The following LRRC56 variants were observed in gnomAD, a reference collection of about 807,000 sequenced individuals.
The protein encoded by LRRC56 is leucine rich repeat containing 56.
A neutral mutation model predicts 47.8 loss-of-function variants in LRRC56; 41 were observed. The observed-to-expected ratio is 0.86, with a 90% CI of 0.67 to 1.11. The LOEUF (loss-of-function observed/expected upper bound fraction) is 1.11, where lower values mean the gene tolerates loss of function less well. Among genes scored for constraint, LRRC56 ranks in the 50% most tolerant of loss-of-function variants. The pLI is 0.00. For synonymous variants in LRRC56, 387 were observed against 311.2 expected, an observed-to-expected ratio of 1.24 and a Z score of -2.56; for missense variants, 759 against 704.2, an observed-to-expected ratio of 1.08 and a Z score of -0.88.
intron 5 of LRRC56, among the ~76,000 whole-genome samples, chr11:543,104 C>G (rs992532446): frequency 5.3e-5 from 8 of 151,812 alleles, no homozygotes; most frequent in African/African-American, 1.9e-4. Flanking sequence ...GTTGGCCAGG[C>G]TGGTCTTGAA....
chr11:515,013 C>T, the LRRC56 span, among the ~76,000 whole-genome samples: 1 of 152,144 alleles, frequency 6.6e-6, no homozygotes, highest in Admixed American at 6.6e-5. Flanking sequence ...GAAATTGGGC[C>T]GTTTGACAGA....
chr11:538,287 A>G (rs1022014565), intron 1 of LRRC56, among the ~76,000 whole-genome samples: 2 of 152,168 alleles, frequency 1.3e-5, no homozygotes, highest in African/African-American at 4.8e-5. Context: ...ATAGGTGTCC[A>G]GGGGCTGCCC....
upstream of LRRC56, chr11:535,583 G>C (rs1851448985): frequency 6.7e-6 from 1 of 149,504 alleles, no homozygotes; most frequent in Non-Finnish European, 1.5e-5. Context: ...GCCTGCGCAC[G>C]CCCCGCCCCG....
chr11:530,027 C>A, the LRRC56 span, among the ~76,000 whole-genome samples: 4 of 152,172 alleles, frequency 2.6e-5, no homozygotes, highest in Non-Finnish European at 5.9e-5. Flanking sequence ...CAGATCAGGA[C>A]ACACCCCAGG....
intron 5 of LRRC56, among the ~76,000 whole-genome samples, chr11:544,502 C>T (rs1485516111): frequency 2.6e-5 from 4 of 152,156 alleles, no homozygotes; most frequent in Non-Finnish European, 5.9e-5. Context: ...CTACCAGGCC[C>T]CATAGAATCA....
chr11:535,736 G>A (rs1402447743), upstream of LRRC56, among the ~76,000 whole-genome samples: 1 of 152,122 alleles, frequency 6.6e-6, no homozygotes, highest in Non-Finnish European at 1.5e-5. Context: ...GGAGCCAGTA[G>A]GGCCGCGGCC....
chr11:511,506 C>T, the LRRC56 span, among the ~76,000 whole-genome samples: 1 of 152,162 alleles, frequency 6.6e-6, no homozygotes, highest in African/African-American at 2.4e-5. Context: ...GTAGCGTATC[C>T]TCTGATTCAC....
chr11:508,834 AG>A, the LRRC56 span, among the ~76,000 whole-genome samples: 1 of 152,000 alleles, frequency 6.6e-6, no homozygotes, highest in Non-Finnish European at 1.5e-5. Context: ...ACCTGAGGTC[AG>A]GAGTTCAAGA....
At chr11:543,949 C>T (rs1402340946) in intron 5 of LRRC56, among the ~76,000 whole-genome samples, 11 of 152,110 alleles carry the variant, frequency 7.2e-5, no homozygotes, top group African/African-American at 2.7e-4. Flanking sequence ...GGGGTTTCAC[C>T]GTGTTAACCA....
At chr11:517,102 G>A in the LRRC56 span, among the ~76,000 whole-genome samples, 17 of 152,334 alleles carry the variant, frequency 1.1e-4, no homozygotes, top group East Asian at 1.9e-4. Flanking sequence ...TGCCCGCCTC[G>A]GCCTCCCGGG....
chr11:534,553 C>A, upstream of LRRC56: 1 of 590,868 alleles, frequency 1.7e-6, no homozygotes, highest in Non-Finnish European at 3.0e-6. Flanking sequence ...GGAGGGCTGT[C>A]GCCTCGCCCC....
At chr11:518,014 G>A in the LRRC56 span, among the ~76,000 whole-genome samples, 69 of 152,250 alleles carry the variant, frequency 4.5e-4, no homozygotes, top group East Asian at 9.9e-3. Flanking sequence ...CAACTACCCA[G>A]GGACACAAAC....
chr11:526,992 A>G, the LRRC56 span, among the ~76,000 whole-genome samples: 8 of 151,820 alleles, frequency 5.3e-5, no homozygotes, highest in Non-Finnish European at 8.8e-5. Flanking sequence ...ACACACACCA[A>G]TCTTCTAATG....
chr11:541,875 C>T lies in LRRC56; in HGVS notation c.265+251C>T, dbSNP rs1442973473. ...CACACCCACACCAGTACCCCCAGCA[C>T]GCTCAGTACCCCACACACCCACGCC... On this transcript the variant is annotated intron_variant, in intron 5 of 13. Transcript: ENST00000270115. The surrounding 1 kb of genome is among the most constrained non-coding windows in gnomAD (Gnocchi z 4.1). Among the ~76,000 whole-genome samples the T allele has an allele frequency of 6.2e-5, 9 of 144,330 alleles. No homozygotes were observed. Among genetic ancestry groups the T allele is most frequent in the African/African-American group, 2.3e-4 (9 of 38,348 alleles). 94.7% of individuals were successfully genotyped at this position (144,330 alleles called of 152,430 possible).
chr11:533,405 G>T (rs200394288), upstream of LRRC56: 6 of 1,607,538 alleles, frequency 3.7e-6, no homozygotes, highest in Non-Finnish European at 4.2e-6. Flanking sequence ...TGGCTGGGGC[G>T]GGGCGGGGCG....
the LRRC56 span, among the ~76,000 whole-genome samples, chr11:515,320 C>G: frequency 2.0e-5 from 3 of 152,314 alleles, no homozygotes; most frequent in African/African-American, 7.2e-5. Context: ...AGTCCTTCCT[C>G]AGACGGGATA....
At chr11:534,559 GC>G (rs1310267550), upstream of LRRC56, 8 of 588,350 alleles carry the variant, frequency 1.4e-5, no homozygotes, top group East Asian at 1.7e-4. Flanking sequence ...CTGTCGCCTC[GC>G]CCCCACTTGC....
chr11:513,815 C>T, the LRRC56 span, among the ~76,000 whole-genome samples: 5 of 143,152 alleles, frequency 3.5e-5, no homozygotes, highest in Admixed American at 3.5e-4. Context: ...AGCAAAACTC[C>T]ATCTCAAAAA....
chr11:533,905 A>C (rs1183526920), upstream of LRRC56: 1 of 1,613,142 alleles, frequency 6.2e-7, no homozygotes, highest in Non-Finnish European at 8.5e-7. Flanking sequence ...TCCAACAGGC[A>C]CGTCTCCCCA....
Sources: allele counts gnomAD v4.1 joint callset (sites outside exome capture counted in the v4.1 genomes callset), GRCh38; gene constraint gnomAD v4.1.1; non-coding constraint Gnocchi (gnomAD v3.1); transcripts MANE v1.5; gene names NCBI Gene and HGNC (gene_info 2026-07-23, HGNC 2026-07-21).